Variants in DLC1 observed in about 807,000 individuals in gnomAD.
DLC1 encodes the protein DLC1 Rho GTPase activating protein, also known as rho GTPase-activating protein 7.
In DLC1, 54 loss-of-function variants were observed where a neutral mutation model predicts 140.3. The ratio of observed to expected loss-of-function variants is 0.38; its 90% CI spans 0.31 to 0.48. DLC1 has a LOEUF of 0.48. Ranked by LOEUF, DLC1 falls within the 20% of genes least tolerant of loss-of-function variation. The pLI, the probability that DLC1 is intolerant of heterozygous loss-of-function variation, is 0.96. For missense variants in DLC1, 2,536 were observed against 1,907.0 expected, an observed-to-expected ratio of 1.33 and a Z score of -6.14; for synonymous variants, 986 against 728.1, an observed-to-expected ratio of 1.35 and a Z score of -5.70.
At chr8:13,141,256 C>CAAAAA (rs34321250) in intron 5 of DLC1, among the ~76,000 whole-genome samples, 22 of 63,762 alleles carry the variant, frequency 3.5e-4, no homozygotes, top group South Asian at 1.8e-3. Flanking sequence ...GAGTCTGTCT[C>CAAAAA]AAAAAAAAAA....
intron 5 of DLC1, among the ~76,000 whole-genome samples, chr8:13,122,815 A>C (rs1821212204): frequency 6.6e-6 from 1 of 152,040 alleles, no homozygotes; most frequent in Non-Finnish European, 1.5e-5. Flanking sequence ...AAAAAAAAAA[A>C]AAACAAGAAG....
chr8:13,339,267 G>A (rs1729114), intron 4 of DLC1, among the ~76,000 whole-genome samples: 122,211 of 152,102 alleles, frequency 0.8, 50,178 homozygotes, highest in East Asian at 0.97. Context: ...TCCAACTCAC[G>A]GAGGACAAGG....
rs915817568 is a variant in DLC1 at position 13,208,036 on chromosome 8, T to C, written c.1349-92379A>G. ...GTCTAGTATTTGTTTTAATTCACCA[T>C]AGTATTTTGATTTAAAATCCATCTT... is the stretch of plus-strand genomic sequence containing the variant. On this transcript the variant is annotated intron_variant, in intron 5 of 17. Transcript: ENST00000276297. Among the ~76,000 whole-genome samples, 10 of 152,196 alleles carry C rather than the reference T, an allele frequency of 6.6e-5. No homozygotes were observed. The East Asian group carries it at 7.7e-4, about 12-fold the overall frequency.
intron 1 of DLC1, among the ~76,000 whole-genome samples, chr8:13,531,023 A>G (rs913061950): frequency 6.6e-6 from 1 of 151,956 alleles, no homozygotes; most frequent in African/African-American, 2.4e-5. Context: ...GACTCTCATG[A>G]TAGGCTTAGT....
Position 13,406,181 on chromosome 8 carries a change from G to GTTTTTTTTTTTGTTTTTT in DLC1, c.1024-4563_1024-4562insAAAAAACAAAAAAAAAAA, listed in dbSNP as rs1554514491. ...GCCACCATCCCCAGCTAATTTTTGTGTTTTTTTTTTTTTTTTTCAGTGGAG... is the reference window on the plus strand; with the variant it reads ...GCCACCATCCCCAGCTAATTTTTGTGTTTTTTTTTTTGTTTTTTTTTTTTTTTTTTTTTTTCAGTGGAG... On this transcript the variant is annotated intron_variant, in intron 2 of 17. Transcript: ENST00000276297. Among the ~76,000 whole-genome samples, 13 of 84,954 alleles carry GTTTTTTTTTTTGTTTTTT rather than the reference G, an allele frequency of 1.5e-4. 2 individuals are homozygous for GTTTTTTTTTTTGTTTTTT. The highest frequency in any genetic ancestry group is 6.2e-4 in the African/African-American group (13 of 21,052). 55.7% of individuals were successfully genotyped at this position (84,954 alleles called of 152,430 possible). A position where few individuals can be genotyped will look rare whatever the true frequency, so the allele number is the denominator to read the frequency against.
chr8:13,228,106 T>C (rs1828877305), intron 5 of DLC1, among the ~76,000 whole-genome samples: 1 of 152,136 alleles, frequency 6.6e-6, no homozygotes, highest in African/African-American at 2.4e-5. Flanking sequence ...TGTATATAAA[T>C]GGGAATAATT....
chr8:13,526,972 G>T (rs1237026545), intron 1 of DLC1, among the ~76,000 whole-genome samples: 1 of 152,134 alleles, frequency 6.6e-6, no homozygotes, highest in African/African-American at 2.4e-5. Flanking sequence ...ATTCTATTGT[G>T]TAGAAATATA....
intron 4 of DLC1, chr8:13,340,855 A>C (rs1218151874): frequency 1.3e-5 from 2 of 152,212 alleles, no homozygotes; most frequent in African/African-American, 4.8e-5. Flanking sequence ...AATCTAACAG[A>C]TATATAATTC....
At chr8:13,309,474 C>T (rs1563242874) in intron 4 of DLC1, among the ~76,000 whole-genome samples, 1 of 152,118 alleles carries the variant, frequency 6.6e-6, no homozygotes, top group South Asian at 2.1e-4. Context: ...TTTATTAATA[C>T]AATCGAATTT....
intron 5 of DLC1, among the ~76,000 whole-genome samples, chr8:13,142,476 C>T (rs368092580): frequency 1.3e-5 from 2 of 152,088 alleles, no homozygotes; most frequent in East Asian, 1.9e-4. Flanking sequence ...ATTTCATAAC[C>T]GAGTTCTCCA....
intron 5 of DLC1, among the ~76,000 whole-genome samples, chr8:13,191,905 C>T (rs1585879446): frequency 6.7e-6 from 1 of 150,158 alleles, no homozygotes; most frequent in Non-Finnish European, 1.5e-5. Flanking sequence ...TATTAAAACT[C>T]TGCTTTAAGG....
At chr8:13,175,867 G>A (rs1041013785) in intron 5 of DLC1, among the ~76,000 whole-genome samples, 2 of 152,014 alleles carry the variant, frequency 1.3e-5, no homozygotes, top group Non-Finnish European at 2.9e-5. Flanking sequence ...TTCCTTCCTG[G>A]TCACAGCTTC....
chr8:13,502,673 A>T (rs1477823541), intron 1 of DLC1, among the ~76,000 whole-genome samples: 1 of 152,234 alleles, frequency 6.6e-6, no homozygotes, highest in Non-Finnish European at 1.5e-5. Context: ...TTTGTAAAAG[A>T]CTGACTTCTC....
chr8:13,530,414 TG>T (rs1215228917), intron 1 of DLC1, among the ~76,000 whole-genome samples: 1 of 151,938 alleles, frequency 6.6e-6, no homozygotes, highest in Admixed American at 6.6e-5. Context: ...CTCTAAGAGG[TG>T]GGGGAAATTT....
At chr8:13,502,021 C>T (rs917627793) in intron 1 of DLC1, among the ~76,000 whole-genome samples, 1 of 152,124 alleles carries the variant, frequency 6.6e-6, no homozygotes, top group South Asian at 2.1e-4. Flanking sequence ...CACTCCTAAG[C>T]CACATTTATA....
At chr8:13,409,949 G>C (rs1464789790) in intron 2 of DLC1, among the ~76,000 whole-genome samples, 1 of 152,088 alleles carries the variant, frequency 6.6e-6, no homozygotes, top group Non-Finnish European at 1.5e-5. Context: ...GCACAGCTAG[G>C]TTTGAGGAAC....
intron 4 of DLC1, among the ~76,000 whole-genome samples, chr8:13,385,516 C>G (rs1486299263): frequency 6.6e-6 from 1 of 152,036 alleles, no homozygotes; most frequent in East Asian, 1.9e-4. Flanking sequence ...CATTAAATAA[C>G]CAAAACAGTC....
At chr8:13,593,953 C>T (rs1585313431) in intron 1 of DLC1, among the ~76,000 whole-genome samples, 1 of 151,990 alleles carries the variant, frequency 6.6e-6, no homozygotes, top group African/African-American at 2.4e-5. Context: ...TGCAAAGATC[C>T]TCTGAAGACG....
At chr8:13,406,825 T>C (rs1166290189) in intron 2 of DLC1, among the ~76,000 whole-genome samples, 6 of 152,202 alleles carry the variant, frequency 3.9e-5, no homozygotes, top group Non-Finnish European at 5.9e-5. Flanking sequence ...GTTTAGAACA[T>C]GAACAGGCTA....
Sources: allele counts gnomAD v4.1 joint callset (sites outside exome capture counted in the v4.1 genomes callset), GRCh38; gene constraint gnomAD v4.1.1; transcripts MANE v1.5; gene names NCBI Gene and HGNC (gene_info 2026-07-23, HGNC 2026-07-21).